KY: variants seen among roughly 807,000 people sequenced by gnomAD.
The protein encoded by KY is kyphoscoliosis peptidase.
KY carries 43 observed loss-of-function variants against 76.1 expected under a neutral mutation model. That is an observed-to-expected ratio of 0.57 (90% CI 0.44 to 0.73). The LOEUF is 0.73. Ranked by LOEUF, KY falls within the 30% of genes least tolerant of loss-of-function variation. KY has a pLI of 0.00. For missense variants in KY, 722 were observed against 828.9 expected, an observed-to-expected ratio of 0.87 and a Z score of 1.58; for synonymous variants, 277 against 326.2, an observed-to-expected ratio of 0.85 and a Z score of 1.63.
rs745883154 is a variant in KY, at chr3:134,651,020, A to G, written c.-60T>C. The G allele has an allele frequency of 2.6e-5, 42 of 1,607,632 alleles. No homozygotes were observed. The highest frequency in any genetic ancestry group is 3.4e-5 in the Non-Finnish European group (40 of 1,177,184). ...CGCACGCTAGGCTGCTTGCGCTGCAAATGGCCCCGTGCGCGCAGCTGCCCC... is the reference window on the plus strand; with the variant it reads ...CGCACGCTAGGCTGCTTGCGCTGCAGATGGCCCCGTGCGCGCAGCTGCCCC... On this transcript the variant is annotated 5_prime_UTR_variant, in exon 1 of 11. Coordinates refer to ENST00000423778, the MANE Select transcript of KY (RefSeq NM_178554.6).
chr3:134,619,391 C>T, intron 7 of KY, 126 bp from the exon 8 acceptor site: 1 of 709,984 alleles, frequency 1.4e-6, no homozygotes, highest in Non-Finnish European at 2.6e-6. Context: ...AATGGAACTA[C>T]AGCCCCAGCA....
chr3:134,645,685 C>T (rs1560145930), intron 2 of KY, among the ~76,000 whole-genome samples: 1 of 152,156 alleles, frequency 6.6e-6, no homozygotes, highest in Non-Finnish European at 1.5e-5. Flanking sequence ...GGCTCAGGGC[C>T]TCTGTGGAGC....
In KY at chr3:134,602,827, T is replaced by C. The variant is rs4535271; in HGVS notation, c.*752A>G. On this transcript the variant is annotated 3_prime_UTR_variant, in exon 11 of 11. Transcript: ENST00000423778. ...CAAGGCTGCAGCTCTGCCGACAGTG[T>C]CCCTCCCACCTGCACAGCCACAGCG... is the stretch of plus-strand genomic sequence containing the variant. Among the ~76,000 whole-genome samples the C allele has an allele frequency of 6.6e-6, 1 of 151,976 alleles. No individual in the cohort carries two copies. The highest frequency in any genetic ancestry group is 1.5e-5 in the Non-Finnish European group (1 of 67,966).
intron 5 of KY, 44 bp from the exon 6 acceptor site, chr3:134,625,179 A>G (rs2107867437): frequency 6.7e-7 from 1 of 1,502,098 alleles, no homozygotes; most frequent in Non-Finnish European, 9.1e-7. Context: ...GACCCACTGA[A>G]GAGGGCTGCC....
rs565921112 is a variant in KY, at chr3:134,608,163, T to C, written c.1090+486A>G. ...CCAGATTCCAGCTCTGCTGAGGCCA[T>C]GTATTCTCTCCAGCAGGAGTTGGGG... On this transcript the variant is annotated intron_variant, in intron 10 of 10. Transcript: ENST00000423778. 5.2e-6 allele frequency: 6 copies of C among 1,158,944 alleles called. No individual in the cohort carries two copies. In the South Asian group the frequency reaches 5.3e-5, roughly 10 times the overall value. 71.8% of individuals were successfully genotyped at this position (1,158,944 alleles called of 1,614,324 possible).
Position 134,650,987 on chromosome 3 carries a change from GCCGCGGCCGCACGCTAGGCT to G in KY, c.-47_-28del. ...ATGCCGCCTCCTTTCCGACCTGGGC[GCCGCGGCCGCACGCTAGGCT>G]GCTTGCGCTGCAAATGGCCCCGTGC... On this transcript the variant is annotated 5_prime_UTR_variant, in exon 1 of 11. Coordinates refer to ENST00000423778, the MANE Select transcript of KY (RefSeq NM_178554.6). 6 of 1,612,460 alleles carry G rather than the reference GCCGCGGCCGCACGCTAGGCT, an allele frequency of 3.7e-6. No homozygotes were observed. Among genetic ancestry groups the G allele is most frequent in the Non-Finnish European group, 5.1e-6 (6 of 1,179,184 alleles).
At chr3:134,633,076 C>T (rs867241963) in intron 3 of KY, among the ~76,000 whole-genome samples, 2 of 152,022 alleles carry the variant, frequency 1.3e-5, no homozygotes, top group Non-Finnish European at 2.9e-5. Flanking sequence ...AGCAGATAAC[C>T]TAAGTATTCC....
At position 134,629,671 on chromosome 3, in the gene KY, T is replaced by C; in HGVS notation, c.287A>G (p.His96Arg). Reference sequence around the variant, plus strand: ...CAGCTGGGGCATGGCATCTCGAGGGTGGACTTCCACAGTCAGTTGTGTCCC... The same window carrying C: ...CAGCTGGGGCATGGCATCTCGAGGGCGGACTTCCACAGTCAGTTGTGTCCC... Reference protein sequence around the residue: ...SQGTQLTVEVHPRDAMPQLLK... With the variant: ...SQGTQLTVEVRPRDAMPQLLK... The change falls in exon 4 of 11, where the codon CAC becomes CGC. Residue 96 changes from histidine to arginine, a missense_variant. By Grantham distance (29) the His-to-Arg change is conservative. This residue lies in a region of KY where 170 missense variants were observed against 148.1 expected (regional missense o/e 1.15). Coordinates refer to ENST00000423778, the MANE Select transcript of KY (RefSeq NM_178554.6). The C allele has an allele frequency of 6.3e-7, 1 of 1,597,174 alleles. No homozygotes were observed. The highest frequency in any genetic ancestry group is 8.5e-7 in the Non-Finnish European group (1 of 1,171,510).
intron 3 of KY, chr3:134,640,030 A>T (rs1418984756): frequency 1.3e-5 from 2 of 155,420 alleles, no homozygotes; most frequent in Non-Finnish European, 2.8e-5. Flanking sequence ...TTACAAATTC[A>T]TTCAACCCAC....
At position 134,602,836 on chromosome 3, in the gene KY, C is replaced by G. The variant is rs893625380; in HGVS notation, c.*743G>C. On this transcript the variant is annotated 3_prime_UTR_variant, in exon 11 of 11. Transcript: ENST00000423778. ...AGCTCTGCCGACAGTGTCCCTCCCA[C>G]CTGCACAGCCACAGCGGGCATGGGC... 6.6e-6 allele frequency among the ~76,000 whole-genome samples: 1 copy of G among 152,254 alleles called. No homozygotes were observed. The highest frequency in any genetic ancestry group is 1.5e-5 in the Non-Finnish European group (1 of 68,036).
intron 3 of KY, among the ~76,000 whole-genome samples, chr3:134,640,717 T>C (rs992693252): frequency 2.0e-5 from 3 of 152,168 alleles, no homozygotes; most frequent in Non-Finnish European, 2.9e-5. Flanking sequence ...TCATGTTTCT[T>C]TCCCAACCTG....
At chr3:134,618,002 T>C (rs1308058923) in intron 8 of KY, among the ~76,000 whole-genome samples, 1 of 151,952 alleles carries the variant, frequency 6.6e-6, no homozygotes, top group Non-Finnish European at 1.5e-5. Context: ...TGCTTGGGTC[T>C]GGGGTAGGGG....
rs1014236564 is a variant in KY at position 134,607,930 on chromosome 3, G to A, written c.1090+719C>T. 5.0e-6 allele frequency: 5 copies of A among 993,198 alleles called. No individual in the cohort carries two copies. The African/African-American group carries it at 8.7e-5, about 17-fold the overall frequency. The allele number at this position is 993,198 out of a possible 1,614,324, so 61.5% of individuals were successfully genotyped here. A position where few individuals can be genotyped will look rare whatever the true frequency, so the allele number is the denominator to read the frequency against. On this transcript the variant is annotated intron_variant, in intron 10 of 10. Coordinates refer to ENST00000423778, the MANE Select transcript of KY (RefSeq NM_178554.6). ...GGGGTGCCTGAGTTTGGAGGCTGGG[G>A]GCTTACTGTGTCCCCGCCTCTCCTC...
intron 2 of KY, among the ~76,000 whole-genome samples, 188 bp downstream of exon 2, chr3:134,647,247 G>A (rs1474853573): frequency 2.0e-5 from 3 of 152,312 alleles, no homozygotes; most frequent in Middle Eastern, 3.4e-3. Flanking sequence ...GGAGAGCAGG[G>A]GACCTGACTC....
chr3:134,619,336 G>A, intron 7 of KY, 71 bp from the exon 8 acceptor site: 1 of 1,166,104 alleles, frequency 8.6e-7, no homozygotes, highest in Non-Finnish European at 1.3e-6. Context: ...CCAACCCCCA[G>A]CTGTGCTCTG....
intron 3 of KY, among the ~76,000 whole-genome samples, chr3:134,640,768 C>T (rs1396382482): frequency 6.6e-6 from 1 of 152,222 alleles, no homozygotes; most frequent in East Asian, 1.9e-4. Flanking sequence ...CCCCATTGCT[C>T]AGGTCCCAAG....
intron 1 of KY, among the ~76,000 whole-genome samples, chr3:134,650,323 GAA>G (rs1163583233): frequency 4.6e-5 from 7 of 152,198 alleles, no homozygotes; most frequent in African/African-American, 1.4e-4. Context: ...GAGGCTGGGA[GAA>G]AGTCTCAAGA....
At chr3:134,647,536 G>A in intron 1 of KY, 39 bp from the exon 2 acceptor site, 4 of 1,295,478 alleles carry the variant, frequency 3.1e-6, no homozygotes, top group Middle Eastern at 1.9e-4. Context: ...GGAGACTCAG[G>A]GCAAAAGAGT....
At chr3:134,649,037 TG>T (rs1966771475) in intron 1 of KY, among the ~76,000 whole-genome samples, 1 of 152,230 alleles carries the variant, frequency 6.6e-6, no homozygotes. Flanking sequence ...AGGCTGGCTT[TG>T]CCTGGGGTCT....
Sources: allele counts gnomAD v4.1 joint callset (sites outside exome capture counted in the v4.1 genomes callset), GRCh38; gene constraint gnomAD v4.1.1; regional missense constraint gnomAD v4.1.1; transcripts MANE v1.5; gene names NCBI Gene and HGNC (gene_info 2026-07-23, HGNC 2026-07-21).